RIPPLY2: variants seen among roughly 807,000 people sequenced by gnomAD.
RIPPLY2 encodes the protein ripply transcriptional repressor 2.
A neutral mutation model predicts 17.7 loss-of-function variants in RIPPLY2; 20 were observed. The ratio of observed to expected loss-of-function variants is 1.13; its 90% CI spans 0.79 to 1.64. The LOEUF (loss-of-function observed/expected upper bound fraction) is 1.64. Among genes scored for constraint, RIPPLY2 ranks in the 40% most tolerant of loss-of-function variants. The pLI is 0.00. For synonymous variants in RIPPLY2, 69 were observed against 63.9 expected (o/e 1.08, Z -0.38); for missense variants, 213 against 169.8 (o/e 1.25, Z -1.41).
rs1270200549 is a variant in RIPPLY2 at position 83,853,765 on chromosome 6, G to A, written c.166G>A (p.Ala56Thr). ...AGAAGAGGAGACGCCGAACCACGCC[G>A]CGGAGGCGGTGAGTGAGCCACGCGT... is the stretch of plus-strand genomic sequence containing the variant. ...KKEEETPNHA[A>T]EAMPDGPGMT... is the part of the protein sequence containing the mutation. The change falls in exon 2 of 4, where the codon GCG becomes ACG. Residue 56 changes from alanine (A) to threonine (T), a missense_variant. Ala to Thr is a moderately conservative substitution (Grantham distance 58). Coordinates refer to ENST00000369689, the MANE Select transcript of RIPPLY2 (RefSeq NM_001009994.3). 6.2e-7 allele frequency: 1 copy of A among 1,612,586 alleles called. No individual in the cohort carries two copies. Among genetic ancestry groups the A allele is most frequent in the Non-Finnish European group, 8.5e-7 (1 of 1,179,698 alleles).
Position 83,857,404 on chromosome 6 carries a change from T to G in RIPPLY2, c.*15T>G. 6.5e-7 allele frequency: 1 copy of G among 1,547,592 alleles called. No homozygotes were observed. The highest frequency in any genetic ancestry group is 8.7e-7 in the Non-Finnish European group (1 of 1,151,004). On this transcript the variant is annotated 3_prime_UTR_variant, in exon 4 of 4. Coordinates refer to ENST00000369689, the MANE Select transcript of RIPPLY2 (RefSeq NM_001009994.3). ...GTGAAAATTAATCTGATTAGCTACT[T>G]TTGATTATATCCAAAGCTTGTGGGG...
intron 3 of RIPPLY2, chr6:83,856,129 T>C (rs1298648015): frequency 6.6e-6 from 1 of 152,252 alleles, no homozygotes. Flanking sequence ...TTATTCTTTT[T>C]ATTCAGCTGT....
chr6:83,853,736 A>G lies in RIPPLY2; in HGVS notation c.137A>G (p.Lys46Arg), dbSNP rs1394843787. The G allele has an allele frequency of 1.2e-5, 19 of 1,613,704 alleles. No homozygotes were observed. Among genetic ancestry groups the G allele is most frequent in the Non-Finnish European group, 1.6e-5 (19 of 1,179,932 alleles). ...FWRPWVDAGG[K>R]KEEETPNHAA... is the part of the protein sequence containing the mutation. ...AGACCCTGGGTGGACGCCGGAGGCA[A>G]GAAAGAAGAGGAGACGCCGAACCAC... The change falls in exon 2 of 4, where the codon AAG becomes AGG. Residue 46 changes from lysine (K) to arginine (R), a missense_variant. By Grantham distance (26) the Lys-to-Arg change is conservative. Transcript: ENST00000369689.
chr6:83,856,896 T>C (rs1384208082), intron 3 of RIPPLY2: 3 of 152,834 alleles, frequency 2.0e-5, no homozygotes, highest in African/African-American at 7.2e-5. Context: ...CCAAAGGAAT[T>C]TAGAAACTGG....
intron 3 of RIPPLY2, chr6:83,855,393 G>A (rs369061960): frequency 6.6e-6 from 1 of 152,256 alleles, no homozygotes; most frequent in Non-Finnish European, 1.5e-5. Flanking sequence ...GACAGTGGAA[G>A]TGAGGGTGAG....
chr6:83,857,166 T>C lies in RIPPLY2; in HGVS notation c.240-76T>C, dbSNP rs570185041. On this transcript the variant is annotated intron_variant, in intron 3 of 3. Coordinates refer to ENST00000369689, the MANE Select transcript of RIPPLY2 (RefSeq NM_001009994.3). ...AAGTCAATTGTTAAATATATGGAGC[T>C]CTTGAAATTTGACCATTTCATGAGT... The C allele has an allele frequency of 5.4e-6, 5 of 928,506 alleles. No homozygotes were observed. In the Admixed American group the frequency reaches 1.2e-4, roughly 22 times the overall value. 57.5% of individuals were successfully genotyped at this position (928,506 alleles called of 1,614,324 possible).
intron 3 of RIPPLY2, chr6:83,855,732 T>C (rs984156146): frequency 6.6e-6 from 1 of 152,058 alleles, no homozygotes; most frequent in African/African-American, 2.4e-5. Context: ...ATGGTAAATG[T>C]AGGGTGGGGA....
At chr6:83,855,797 C>G (rs2099454900) in intron 3 of RIPPLY2, 1 of 152,150 alleles carries the variant, frequency 6.6e-6, no homozygotes, top group African/African-American at 2.4e-5. Flanking sequence ...GGCTGATGTT[C>G]TCAATGAAAA....
At chr6:83,853,887 C>T in intron 2 of RIPPLY2, 114 bp downstream of exon 2, 3 of 1,072,986 alleles carry the variant, frequency 2.8e-6, no homozygotes, top group South Asian at 1.4e-5. Flanking sequence ...CTGCCTCTCG[C>T]TTAACATCCC....
chr6:83,855,772 T>C (rs1388393279), intron 3 of RIPPLY2: 1 of 152,108 alleles, frequency 6.6e-6, no homozygotes, highest in Non-Finnish European at 1.5e-5. Context: ...GTCATCCTAG[T>C]TTGTTTAGAG....
chr6:83,853,390 C>G lies in RIPPLY2; in HGVS notation c.-27C>G. On this transcript the variant is annotated 5_prime_UTR_variant, in exon 1 of 4. Coordinates refer to ENST00000369689, the MANE Select transcript of RIPPLY2 (RefSeq NM_001009994.3). ...GTCAAGATTGCCCGCGAGCTGGCAG[C>G]GGCCTTCCGCCCAGCTCTGCGGCGT... 1 of 1,530,324 alleles carries G rather than the reference C, an allele frequency of 6.5e-7. No homozygotes were observed. The highest frequency in any genetic ancestry group is 1.2e-5 in the South Asian group (1 of 83,624). The allele number at this position is 1,530,324 out of a possible 1,614,324, so 94.8% of individuals were successfully genotyped here.
In RIPPLY2 at chr6:83,853,493, G is replaced by C. The variant is rs1166305792; in HGVS notation, c.77G>C (p.Arg26Pro). The C allele has an allele frequency of 6.5e-7, 1 of 1,538,746 alleles. No homozygotes were observed. The highest frequency in any genetic ancestry group is 8.7e-7 in the Non-Finnish European group (1 of 1,145,396). The change falls in exon 1 of 4, where the codon CGC (arginine) becomes CCC (proline). Residue 26 changes from arginine (R) to proline (P), a missense_variant. Physicochemically the swap from Arg to Pro is moderately radical, Grantham distance 103. Transcript: ENST00000369689. ...ACAATDGPTRRAGADSGYAGF... is the reference protein window; with the variant it reads ...ACAATDGPTRPAGADSGYAGF... ...GCGGCCACCGACGGCCCTACGCGGC[G>C]CGCGGGCGCGGACTCCGGGTAGGCT...
At chr6:83,856,121 A>C (rs766363714) in intron 3 of RIPPLY2, 1 of 152,000 alleles carries the variant, frequency 6.6e-6, no homozygotes, top group Non-Finnish European at 1.5e-5. Context: ...GGTGTGTTTT[A>C]TTCTTTTTAT....
intron 3 of RIPPLY2, chr6:83,855,124 G>C (rs573590944): frequency 6.6e-6 from 1 of 152,376 alleles, no homozygotes; most frequent in South Asian, 2.1e-4. Context: ...ATCATGAAAC[G>C]GTGTGGCTCC....
rs2298290 is a variant in RIPPLY2, at chr6:83,853,691, G to A, written c.96-4G>A. ...TGCGCGCCTTGTGCTCCCCTATCCCGCAGATACGCAGGCTTCTGGAGACCC... is the reference window on the plus strand; with the variant it reads ...TGCGCGCCTTGTGCTCCCCTATCCCACAGATACGCAGGCTTCTGGAGACCC... On this transcript the variant is annotated splice_region_variant and splice_polypyrimidine_tract_variant and intron_variant, in intron 1 of 3. Coordinates refer to ENST00000369689, the MANE Select transcript of RIPPLY2 (RefSeq NM_001009994.3). 0.073 allele frequency: 117,302 copies of A among 1,612,936 alleles called. 13,096 individuals are homozygous for A. The highest frequency in any genetic ancestry group is 0.46 in the African/African-American group (34,547 of 74,940).
At position 83,853,762 on chromosome 6, in the gene RIPPLY2, G is replaced by C; in HGVS notation, c.163G>C (p.Ala55Pro). 1 of 1,612,788 alleles carries C rather than the reference G, an allele frequency of 6.2e-7. No individual in the cohort carries two copies. Among genetic ancestry groups the C allele is most frequent in the Non-Finnish European group, 8.5e-7 (1 of 1,179,788 alleles). The change falls in exon 2 of 4, where the codon GCC (alanine) becomes CCC (proline). Residue 55 changes from alanine (A) to proline (P), a missense_variant. By Grantham distance (27) the Ala-to-Pro change is conservative. Transcript: ENST00000369689. ...GAAAGAAGAGGAGACGCCGAACCAC[G>C]CCGCGGAGGCGGTGAGTGAGCCACG... ...GKKEEETPNH[A>P]AEAMPDGPGM...
chr6:83,853,245 A>G, upstream of RIPPLY2: 1 of 584,402 alleles, frequency 1.7e-6, no homozygotes, highest in South Asian at 2.1e-5. Flanking sequence ...GTGCGCCTTC[A>G]CGCGCAGCCT....
In RIPPLY2 at chr6:83,857,491, A is replaced by AG; in HGVS notation, c.*102_*103insG. The AG allele has an allele frequency of 3.3e-6, 2 of 614,800 alleles. No individual in the cohort carries two copies. The highest frequency in any genetic ancestry group is 4.7e-6 in the Non-Finnish European group (2 of 427,738). The allele number at this position is 614,800 out of a possible 1,614,324, so 38.1% of individuals were successfully genotyped here. On this transcript the variant is annotated 3_prime_UTR_variant, in exon 4 of 4. Transcript: ENST00000369689. ...AAACTAATTTATTTGTATATAAATT[A>AG]TTAATAAAATGAAATATTTTGTAAT...
In RIPPLY2 at chr6:83,857,296, T is replaced by G; in HGVS notation, c.294T>G (p.Ala98=). ...ATTACTTATATCAAGAAGCAGAAGC[T>G]CTTCTGAAAAATTTTCCAATTCAAG... is the stretch of plus-strand genomic sequence containing the variant. The part of the protein sequence containing the change: ...CYDYLYQEAE[A]LLKNFPIQAT... The change falls in exon 4 of 4, where the codon GCT becomes GCG. Residue 98 remains alanine (A), a synonymous_variant. Coordinates refer to ENST00000369689, the MANE Select transcript of RIPPLY2 (RefSeq NM_001009994.3). 3 of 1,559,222 alleles carry G rather than the reference T, an allele frequency of 1.9e-6. No homozygotes were observed. Among genetic ancestry groups the G allele is most frequent in the Non-Finnish European group, 2.6e-6 (3 of 1,156,144 alleles).
Sources: gnomAD v4.1 joint callset for allele counts on GRCh38, gnomAD v4.1.1 for gene constraint, MANE v1.5 for transcripts, NCBI Gene and HGNC (gene_info 2026-07-23, HGNC 2026-07-21) for gene names.